Variants in ADORA2B observed in about 807,000 individuals in gnomAD.
The protein encoded by ADORA2B is adenosine receptor A2b.
ADORA2B carries 18 observed loss-of-function variants against 20.8 expected under a neutral mutation model. That is an observed-to-expected ratio of 0.87 (90% CI 0.60 to 1.29). The LOEUF (loss-of-function observed/expected upper bound fraction) is 1.29, where lower values mean the gene tolerates loss of function less well. Among genes scored for constraint, ADORA2B ranks in the 50% most tolerant of loss-of-function variants. The pLI is 0.00. For missense variants in ADORA2B, 441 were observed against 422.7 expected (o/e 1.04, Z -0.38); for synonymous variants, 179 against 178.3 (o/e 1.00, Z -0.03).
the ADORA2B span, among the ~76,000 whole-genome samples, chr17:15,910,968 C>T: frequency 1.2e-3 from 188 of 152,336 alleles, no homozygotes; most frequent in South Asian, 5.4e-3. Context: ...AAACTGGTTA[C>T]CCCAGTTGGT....
At chr17:15,918,704 T>C in the ADORA2B span, among the ~76,000 whole-genome samples, 1 of 151,980 alleles carries the variant, frequency 6.6e-6, no homozygotes, top group Non-Finnish European at 1.5e-5. Context: ...ACTCCTGACC[T>C]CGTGATCTAC....
the ADORA2B span, among the ~76,000 whole-genome samples, chr17:15,887,396 C>T: frequency 3.8e-5 from 5 of 131,084 alleles, 2 homozygotes; most frequent in African/African-American, 1.6e-4. Context: ...TATTCTTGAA[C>T]TTAACAAAAT....
At chr17:15,869,231 A>C in the ADORA2B span, among the ~76,000 whole-genome samples, 1 of 151,696 alleles carries the variant, frequency 6.6e-6, no homozygotes, top group East Asian at 1.9e-4. Context: ...GAGGCACTAG[A>C]ATTGCTCAAA....
Position 15,975,686 on chromosome 17 carries a change from T to C in ADORA2B, c.*344T>C, listed in dbSNP as rs1480698407. 4.5e-6 allele frequency: 1 copy of C among 222,474 alleles called. No individual in the cohort carries two copies. The highest frequency in any genetic ancestry group is 8.9e-6 in the Non-Finnish European group (1 of 112,614). The allele number at this position is 222,474 out of a possible 1,614,324, so 13.8% of individuals were successfully genotyped here. On this transcript the variant is annotated 3_prime_UTR_variant, in exon 2 of 2. Coordinates refer to ENST00000304222, the MANE Select transcript of ADORA2B (RefSeq NM_000676.4). ...TGTGAAACAGTGTGAACTATTATAA[T>C]GCAAATACTTTTTAACTTAGAGGCA...
chr17:15,904,474 A>G, the ADORA2B span, among the ~76,000 whole-genome samples: 30 of 134,958 alleles, frequency 2.2e-4, no homozygotes, highest in African/African-American at 8.6e-4. Flanking sequence ...TGCAAGCTCC[A>G]CCTCCCGGGT....
chr17:15,946,868 T>C (rs1291063014), intron 1 of ADORA2B, among the ~76,000 whole-genome samples: 1 of 152,220 alleles, frequency 6.6e-6, no homozygotes, highest in East Asian at 1.9e-4. Context: ...AGAAAAGTGC[T>C]CTGCTGTTTT....
rs540788238 is a variant in ADORA2B at position 15,974,640 on chromosome 17, C to T, written c.336-39C>T. 5 of 1,576,622 alleles carry T rather than the reference C, an allele frequency of 3.2e-6. No individual in the cohort carries two copies. The Admixed American group carries it at 5.2e-5, about 16-fold the overall frequency. On this transcript the variant is annotated intron_variant, in intron 1 of 1. Coordinates refer to ENST00000304222, the MANE Select transcript of ADORA2B (RefSeq NM_000676.4). ...GGTCTTGGATTGTGGTTGCAGAGCG[C>T]TATAAACTGACCGTAACAGATGGTA...
At chr17:15,947,150 T>C (rs1969817531) in intron 1 of ADORA2B, among the ~76,000 whole-genome samples, 1 of 152,104 alleles carries the variant, frequency 6.6e-6, no homozygotes, top group South Asian at 2.1e-4. Flanking sequence ...AGCCCAGGGA[T>C]TTCCAAGGCT....
At chr17:15,968,370 C>T (rs1346413403) in intron 1 of ADORA2B, among the ~76,000 whole-genome samples, 3 of 152,214 alleles carry the variant, frequency 2.0e-5, no homozygotes, top group Non-Finnish European at 4.4e-5. Flanking sequence ...CTGCAACCAA[C>T]CCCCTGTGTG....
At chr17:15,852,556 C>T in the ADORA2B span, among the ~76,000 whole-genome samples, 3 of 151,872 alleles carry the variant, frequency 2.0e-5, no homozygotes. Flanking sequence ...GAAAACTAGG[C>T]AACAGAAACA....
upstream of ADORA2B, among the ~76,000 whole-genome samples, chr17:15,941,107 T>C (rs969386988): frequency 6.6e-6 from 1 of 152,158 alleles, no homozygotes; most frequent in African/African-American, 2.4e-5. Context: ...GAGGGTCAGT[T>C]TGTTCAGGAA....
At chr17:15,915,597 TGATA>T in the ADORA2B span, among the ~76,000 whole-genome samples, 2 of 142,470 alleles carry the variant, frequency 1.4e-5, no homozygotes, top group African/African-American at 4.9e-5. Flanking sequence ...GATAGATAGG[TGATA>T]GATAGACAGG....
At chr17:15,913,990 T>A in the ADORA2B span, among the ~76,000 whole-genome samples, 1 of 152,028 alleles carries the variant, frequency 6.6e-6, no homozygotes, top group Non-Finnish European at 1.5e-5. Flanking sequence ...CACAGCAGAG[T>A]CTTCGATCTT....
intron 1 of ADORA2B, among the ~76,000 whole-genome samples, chr17:15,962,601 A>G (rs1970054595): frequency 6.6e-6 from 1 of 152,040 alleles, no homozygotes; most frequent in African/African-American, 2.4e-5. Flanking sequence ...GCGCAATCTC[A>G]GCTCACCGCA....
chr17:15,920,419 C>T, the ADORA2B span, among the ~76,000 whole-genome samples: 1 of 152,162 alleles, frequency 6.6e-6, no homozygotes, highest in Non-Finnish European at 1.5e-5. Context: ...ATGATTGTTT[C>T]ATATAAAAGT....
At chr17:15,858,976 GAGA>G in the ADORA2B span, among the ~76,000 whole-genome samples, 1 of 152,138 alleles carries the variant, frequency 6.6e-6, no homozygotes, top group African/African-American at 2.4e-5. Context: ...TTGTGCTAGG[GAGA>G]CAGAAACTTT....
At chr17:15,856,008 T>C in the ADORA2B span, among the ~76,000 whole-genome samples, 12 of 152,210 alleles carry the variant, frequency 7.9e-5, no homozygotes, top group African/African-American at 2.7e-4. Flanking sequence ...TGAGTTTGAC[T>C]ACTTTAGATT....
chr17:15,914,320 C>T, the ADORA2B span, among the ~76,000 whole-genome samples: 1 of 152,200 alleles, frequency 6.6e-6, no homozygotes, highest in Non-Finnish European at 1.5e-5. Flanking sequence ...CCTCAGCCTC[C>T]TAAGTAGCTA....
the ADORA2B span, among the ~76,000 whole-genome samples, chr17:15,875,094 GTTC>G: frequency 2.0e-5 from 3 of 151,984 alleles, no homozygotes; most frequent in African/African-American, 7.3e-5. Flanking sequence ...CTGTTTGCAT[GTTC>G]TTCTTTTTTC....
Sources: allele counts gnomAD v4.1 joint callset (sites outside exome capture counted in the v4.1 genomes callset), GRCh38; gene constraint gnomAD v4.1.1; transcripts MANE v1.5; gene names NCBI Gene and HGNC (gene_info 2026-07-23, HGNC 2026-07-21).